FHIT: variants seen among roughly 807,000 people sequenced by gnomAD.
FHIT encodes the protein bis(5'-adenosyl)-triphosphatase.
In FHIT, 19 loss-of-function variants were observed where a neutral mutation model predicts 17.9. The ratio of observed to expected loss-of-function variants is 1.06; its 90% CI spans 0.74 to 1.56. The LOEUF is 1.56. Among genes scored for constraint, FHIT ranks in the 40% most tolerant of loss-of-function variants. The probability of loss-of-function intolerance (pLI) is 0.00; values close to 1 mark genes in which losing one functional copy is unlikely to be tolerated. For synonymous variants in FHIT, 81 were observed against 69.7 expected (o/e 1.16, Z -0.81); for missense variants, 248 against 189.2 (o/e 1.31, Z -1.82).
intron 5 of FHIT, among the ~76,000 whole-genome samples, chr3:60,058,611 G>T (rs943126469): frequency 4.6e-5 from 7 of 152,132 alleles, no homozygotes; most frequent in African/African-American, 1.7e-4. Flanking sequence ...CCCTTTGAAA[G>T]ATGCCACATC....
At chr3:60,701,914 G>C (rs986277801) in intron 4 of FHIT, among the ~76,000 whole-genome samples, 4 of 152,196 alleles carry the variant, frequency 2.6e-5, no homozygotes, top group African/African-American at 9.6e-5. Context: ...GAATGAACAA[G>C]GAAAGCTTGG....
rs905481835 is a variant in FHIT at position 60,231,986 on chromosome 3, C to G, written c.104-217834G>C. Among the ~76,000 whole-genome samples, 37 of 152,112 alleles carry G rather than the reference C, an allele frequency of 2.4e-4. 2 individuals carry two copies. Among genetic ancestry groups the G allele is most frequent in the Admixed American group, 7.9e-4 (12 of 15,256 alleles). On this transcript the variant is annotated intron_variant, in intron 5 of 9. Coordinates refer to ENST00000492590, the MANE Select transcript of FHIT (RefSeq NM_002012.4). ...GAGGGAAGGGGGCATTTTTCTGGAG[C>G]AGATAACCATGAGCAACAATCATCC...
intron 4 of FHIT, among the ~76,000 whole-genome samples, chr3:60,760,457 G>A (rs1553719475): frequency 6.6e-6 from 1 of 152,206 alleles, no homozygotes; most frequent in Non-Finnish European, 1.5e-5. Flanking sequence ...GTCATCCAGG[G>A]CAAGTGGGTG....
chr3:60,867,084 G>A (rs1188435105), intron 3 of FHIT, among the ~76,000 whole-genome samples: 1 of 152,168 alleles, frequency 6.6e-6, no homozygotes, highest in Non-Finnish European at 1.5e-5. Flanking sequence ...ACCAGAGGAA[G>A]GTTGTGAGGA....
chr3:59,892,503 A>G (rs1312051934), intron 8 of FHIT, among the ~76,000 whole-genome samples: 13 of 152,248 alleles, frequency 8.5e-5, no homozygotes, highest in Admixed American at 6.5e-4. Flanking sequence ...ATTTAAAGTG[A>G]TCACTTTCCT....
chr3:60,310,599 G>A lies in FHIT; in HGVS notation c.103+226261C>T, dbSNP rs1708896615. 1.3e-5 allele frequency among the ~76,000 whole-genome samples: 2 copies of A among 152,026 alleles called. 1 individual carries two copies. The highest frequency in any genetic ancestry group is 1.3e-4 in the Admixed American group (2 of 15,240). ...TTCTGAGAGAGCTAACAGCTACTGGGGAAAACTGGAGCCTCCAGTCCAACC... is the reference window on the plus strand; with the variant it reads ...TTCTGAGAGAGCTAACAGCTACTGGAGAAAACTGGAGCCTCCAGTCCAACC... On this transcript the variant is annotated intron_variant, in intron 5 of 9. Coordinates refer to ENST00000492590, the MANE Select transcript of FHIT (RefSeq NM_002012.4).
intron 3 of FHIT, among the ~76,000 whole-genome samples, chr3:60,872,190 A>T (rs1175026324): frequency 6.6e-6 from 1 of 152,104 alleles, no homozygotes; most frequent in Non-Finnish European, 1.5e-5. Flanking sequence ...TGTGGTAGAA[A>T]TTCCATGCTA....
At chr3:61,145,810 G>A (rs559983483) in intron 2 of FHIT, among the ~76,000 whole-genome samples, 2 of 151,944 alleles carry the variant, frequency 1.3e-5, no homozygotes, top group South Asian at 4.2e-4. Context: ...TTTCCAGACT[G>A]TTCATTGCTA....
chr3:59,976,965 A>G (rs212033), intron 7 of FHIT, among the ~76,000 whole-genome samples: 142,552 of 152,032 alleles, frequency 0.94, 67,447 homozygotes, highest in Non-Finnish European at 1. Flanking sequence ...TTTAATTGAG[A>G]TGCTGCACAC....
At chr3:59,843,632 G>C (rs1701610412) in intron 8 of FHIT, among the ~76,000 whole-genome samples, 1 of 152,080 alleles carries the variant, frequency 6.6e-6, no homozygotes, top group Non-Finnish European at 1.5e-5. Flanking sequence ...CTTTGGTTAA[G>C]CTAATTCCTA....
intron 8 of FHIT, among the ~76,000 whole-genome samples, chr3:59,916,278 G>C (rs1559727522): frequency 3.3e-5 from 5 of 152,112 alleles, no homozygotes; most frequent in Non-Finnish European, 1.5e-5. Flanking sequence ...TTCAGCTTAT[G>C]GTCTCTTGGA....
At chr3:60,130,585 A>T (rs1699499404) in intron 5 of FHIT, among the ~76,000 whole-genome samples, 1 of 152,140 alleles carries the variant, frequency 6.6e-6, no homozygotes. Flanking sequence ...CAACTTCAAA[A>T]ATGAAAACAC....
At chr3:60,985,060 T>C (rs193291558) in intron 3 of FHIT, among the ~76,000 whole-genome samples, 1 of 152,214 alleles carries the variant, frequency 6.6e-6, no homozygotes, top group Non-Finnish European at 1.5e-5. Flanking sequence ...CTCATATTAC[T>C]CTCTGCTCAG....
At chr3:60,386,761 T>C (rs1453957203) in intron 5 of FHIT, among the ~76,000 whole-genome samples, 1 of 152,220 alleles carries the variant, frequency 6.6e-6, no homozygotes, top group Non-Finnish European at 1.5e-5. Flanking sequence ...CACTCTCATT[T>C]GTGAAGGGCC....
intron 5 of FHIT, among the ~76,000 whole-genome samples, chr3:60,426,495 T>TA (rs1702671418): frequency 1.3e-5 from 2 of 152,100 alleles, no homozygotes; most frequent in Admixed American, 6.6e-5. Context: ...AAACTCCCTG[T>TA]AAAAAATGTT....
At chr3:61,215,015 A>G (rs2039626112) in intron 1 of FHIT, among the ~76,000 whole-genome samples, 2 of 151,550 alleles carry the variant, frequency 1.3e-5, no homozygotes, top group African/African-American at 4.8e-5. Flanking sequence ...TCTCAAAATA[A>G]TAAGAGCTAT....
At chr3:60,970,555 T>C (rs915058810) in intron 3 of FHIT, among the ~76,000 whole-genome samples, 7 of 152,182 alleles carry the variant, frequency 4.6e-5, no homozygotes, top group African/African-American at 1.7e-4. Context: ...TTGTCTTCAA[T>C]TAATCAAATA....
chr3:60,254,599 T>C (rs1705891713), intron 5 of FHIT, among the ~76,000 whole-genome samples: 1 of 152,164 alleles, frequency 6.6e-6, no homozygotes, highest in African/African-American at 2.4e-5. Flanking sequence ...TAATATAACA[T>C]ACTCAAATCA....
intron 2 of FHIT, among the ~76,000 whole-genome samples, chr3:61,073,740 T>G (rs973881199): frequency 6.6e-6 from 1 of 152,180 alleles, no homozygotes; most frequent in African/African-American, 2.4e-5. Context: ...GCTGGCCCTA[T>G]TCCTATGTGT....
Sources: allele counts gnomAD v4.1 joint callset (sites outside exome capture counted in the v4.1 genomes callset), GRCh38; gene constraint gnomAD v4.1.1; transcripts MANE v1.5; gene names NCBI Gene and HGNC (gene_info 2026-07-23, HGNC 2026-07-21).